Variants in TMIGD3 observed in about 807,000 individuals in gnomAD.
TMIGD3 encodes the protein transmembrane and immunoglobulin domain containing 3.
A neutral mutation model predicts 28.1 loss-of-function variants in TMIGD3; 21 were observed. The ratio of observed to expected loss-of-function variants is 0.75; its 90% CI spans 0.53 to 1.08. TMIGD3 has a LOEUF of 1.08. TMIGD3 is among the 50% of genes least tolerant of loss of function. The pLI is 0.00. For missense variants in TMIGD3, 416 were observed against 435.6 expected (o/e 0.96, Z 0.40); for synonymous variants, 151 against 162.1 (o/e 0.93, Z 0.52).
intron 1 of TMIGD3, among the ~76,000 whole-genome samples, chr1:111,509,662 A>G (rs533018978): frequency 6.6e-6 from 1 of 152,310 alleles, no homozygotes; most frequent in East Asian, 1.9e-4. Context: ...CCTTACCGCC[A>G]CAGTGGGAGA....
chr1:111,510,806 G>A (rs1225970671), intron 1 of TMIGD3, among the ~76,000 whole-genome samples: 1 of 152,108 alleles, frequency 6.6e-6, no homozygotes, highest in African/African-American at 2.4e-5. Flanking sequence ...GTCATGCAGG[G>A]ATACCTGTCA....
intron 1 of TMIGD3, among the ~76,000 whole-genome samples, chr1:111,544,467 T>C (rs1656963734): frequency 6.6e-6 from 1 of 152,224 alleles, no homozygotes; most frequent in Admixed American, 6.5e-5. Flanking sequence ...TGCAGTCTTT[T>C]GTGTCTAACT....
At chr1:111,524,047 T>TGGGGGGG (rs371004556) in intron 1 of TMIGD3, among the ~76,000 whole-genome samples, 1 of 130,288 alleles carries the variant, frequency 7.7e-6, no homozygotes, top group African/African-American at 2.7e-5. Flanking sequence ...TTTTTTTTTT[T>TGGGGGGG]GGGATGGAAT....
At chr1:111,506,562 C>T (rs6680231), upstream of TMIGD3, among the ~76,000 whole-genome samples, 141,398 of 152,314 alleles carry the variant, frequency 0.93, 65,839 homozygotes, top group East Asian at 0.99. Flanking sequence ...GCCCAGGTTC[C>T]GAATGGCAGC....
At chr1:111,523,805 G>A (rs910988556) in intron 1 of TMIGD3, among the ~76,000 whole-genome samples, 2 of 151,796 alleles carry the variant, frequency 1.3e-5, no homozygotes, top group African/African-American at 4.8e-5. Context: ...GTAGTTATGT[G>A]CCCTTTTTAA....
chr1:111,529,066 T>C (rs1261542029), intron 1 of TMIGD3, among the ~76,000 whole-genome samples: 1 of 152,006 alleles, frequency 6.6e-6, no homozygotes, highest in Non-Finnish European at 1.5e-5. Flanking sequence ...ATAGGAGACA[T>C]TCTTGCCTTG....
At chr1:111,531,137 G>A (rs1192180908) in intron 1 of TMIGD3, among the ~76,000 whole-genome samples, 1 of 152,168 alleles carries the variant, frequency 6.6e-6, no homozygotes, top group Non-Finnish European at 1.5e-5. Context: ...AATTAGCTAG[G>A]TGTGGTGGCA....
At chr1:111,486,146 C>T (rs1410052558) in intron 4 of TMIGD3, among the ~76,000 whole-genome samples, 1 of 152,028 alleles carries the variant, frequency 6.6e-6, no homozygotes, top group Non-Finnish European at 1.5e-5. Context: ...ACTTAGGAAC[C>T]ATAAATGGAT....
At chr1:111,515,845 T>C (rs1473451589) in intron 1 of TMIGD3, among the ~76,000 whole-genome samples, 1 of 152,170 alleles carries the variant, frequency 6.6e-6, no homozygotes, top group Non-Finnish European at 1.5e-5. Context: ...CCTCCGGAAC[T>C]CCGGGAGCCG....
chr1:111,515,710 G>C (rs547950780), intron 1 of TMIGD3, among the ~76,000 whole-genome samples: 1 of 152,352 alleles, frequency 6.6e-6, no homozygotes, highest in South Asian at 2.1e-4. Context: ...CAACCCCCCA[G>C]AAGTCGCAGT....
At chr1:111,557,348 A>G (rs1657536122) in intron 1 of TMIGD3, among the ~76,000 whole-genome samples, 1 of 152,168 alleles carries the variant, frequency 6.6e-6, no homozygotes, top group Non-Finnish European at 1.5e-5. Flanking sequence ...GGAGATCAAG[A>G]CCATCCTGGC....
chr1:111,499,965 C>T (rs1655075580), intron 1 of TMIGD3: 2 of 1,613,828 alleles, frequency 1.2e-6, no homozygotes, highest in South Asian at 2.2e-5. Flanking sequence ...CAGAATTCTT[C>T]TCAATGCTTG....
chr1:111,523,459 C>T (rs1003252420), intron 1 of TMIGD3, among the ~76,000 whole-genome samples: 11 of 151,778 alleles, frequency 7.2e-5, no homozygotes, highest in Admixed American at 5.2e-4. Context: ...CCTGTAATGT[C>T]GTCTGATTTC....
intron 1 of TMIGD3, among the ~76,000 whole-genome samples, chr1:111,512,878 G>C (rs1006226744): frequency 6.6e-6 from 1 of 152,188 alleles, no homozygotes; most frequent in Non-Finnish European, 1.5e-5. Flanking sequence ...CTCTATCCCT[G>C]TTCCAACTGC....
chr1:111,548,445 C>G (rs1657119500), intron 1 of TMIGD3, among the ~76,000 whole-genome samples: 1 of 152,208 alleles, frequency 6.6e-6, no homozygotes, highest in African/African-American at 2.4e-5. Context: ...GATCTTGACT[C>G]TGCTTGTTTA....
intron 1 of TMIGD3, 71 bp from the exon 2 acceptor site, chr1:111,490,833 G>GA: frequency 8.8e-7 from 1 of 1,142,032 alleles, no homozygotes; most frequent in East Asian, 2.4e-5. Flanking sequence ...CAGTGAAAAG[G>GA]GAAACAACCA....
rs142613126 is a variant in TMIGD3, at chr1:111,490,642, G to A, written c.457+14C>T. The stretch of plus-strand genomic sequence containing the variant: ...CAGCTTAAAGGGCTGGAGCTGTTCC[G>A]TCCCCCATCCTACCTGAAATGAGAG... On this transcript the variant is annotated intron_variant, in intron 2 of 5. Coordinates refer to ENST00000369716, the MANE Select transcript of TMIGD3 (RefSeq NM_020683.7). The A allele has an allele frequency of 7.3e-4, 1,162 of 1,592,798 alleles. 4 individuals carry two copies. In the African/African-American group the frequency reaches 0.014, roughly 19 times the overall value.
At position 111,538,797 on chromosome 1, in the gene TMIGD3, G is replaced by A. The variant is rs1345938122; in HGVS notation, c.107+25049C>T. ...CAGGAAAGGACTATTACACCACAGAGGAATTGGGTTTTTGCCCAGTGGCCT... is the reference window on the plus strand; with the variant it reads ...CAGGAAAGGACTATTACACCACAGAAGAATTGGGTTTTTGCCCAGTGGCCT... On this transcript the variant is annotated intron_variant, in intron 1 of 5. Transcript: ENST00000369717. Among the ~76,000 whole-genome samples the A allele has an allele frequency of 2.0e-5, 3 of 152,184 alleles. No individual in the cohort carries two copies. The East Asian group carries it at 5.8e-4, about 29-fold the overall frequency.
chr1:111,541,160 T>C (rs1207612506), intron 1 of TMIGD3, among the ~76,000 whole-genome samples: 1 of 152,160 alleles, frequency 6.6e-6, no homozygotes, highest in Non-Finnish European at 1.5e-5. Flanking sequence ...TTTACAAAAA[T>C]AGGGGCAAGC....
Sources: gnomAD v4.1 joint callset for allele counts (sites outside exome capture counted in the v4.1 genomes callset) on GRCh38, gnomAD v4.1.1 for gene constraint, MANE v1.5 for transcripts, NCBI Gene and HGNC (gene_info 2026-07-23, HGNC 2026-07-21) for gene names.